Variants in ARMC9 observed in about 807,000 individuals in gnomAD.
ARMC9 encodes armadillo repeat containing 9.
ARMC9 carries 94 observed loss-of-function variants against 107.0 expected under a neutral mutation model. The observed-to-expected ratio is 0.88, with a 90% CI of 0.74 to 1.04. The LOEUF is 1.04. Ranked by LOEUF, ARMC9 falls within the 50% of genes least tolerant of loss-of-function variation. ARMC9 has a pLI of 0.00. For synonymous variants in ARMC9, 380 were observed against 396.9 expected, an observed-to-expected ratio of 0.96 and a Z score of 0.51; for missense variants, 942 against 1,030.1, an observed-to-expected ratio of 0.91 and a Z score of 1.17.
chr2:231,357,160 C>T (rs868172275), intron 22 of ARMC9, among the ~76,000 whole-genome samples: 1 of 152,262 alleles, frequency 6.6e-6, no homozygotes. Context: ...TTACTTTAGC[C>T]CTGACAAAGT....
intron 9 of ARMC9, among the ~76,000 whole-genome samples, chr2:231,249,243 C>T (rs1174700925): frequency 6.6e-6 from 1 of 152,148 alleles, no homozygotes; most frequent in African/African-American, 2.4e-5. Context: ...GATTTCCCTG[C>T]CCCACAGCCA....
intron 16 of ARMC9, 80 bp from the exon 17 acceptor site, chr2:231,281,979 T>C: frequency 7.3e-7 from 1 of 1,367,190 alleles, no homozygotes; most frequent in Non-Finnish European, 1.0e-6. Flanking sequence ...TGCCAGATTG[T>C]TCTGAGGTGT....
rs886938989 is a variant in ARMC9 at position 231,375,994 on chromosome 2, C to T, written c.*4459C>T. 1.9e-4 allele frequency among the ~76,000 whole-genome samples: 29 copies of T among 152,196 alleles called. No homozygotes were observed. The highest frequency in any genetic ancestry group is 7.0e-4 in the African/African-American group (29 of 41,432). On this transcript the variant is annotated 3_prime_UTR_variant, in exon 25 of 25. Coordinates refer to ENST00000611582, the MANE Select transcript of ARMC9 (RefSeq NM_001352754.2). The surrounding 1 kb of genome is among the most constrained non-coding windows in gnomAD (Gnocchi z 4.3). ...TTAATACTTTTGTAATTTCTTATGC[C>T]TGTCTTTACTACAGTCTCTAAACAT...
chr2:231,240,188 A>C, intron 9 of ARMC9, 147 bp downstream of exon 9: 1 of 735,178 alleles, frequency 1.4e-6, no homozygotes, highest in South Asian at 1.9e-5. Flanking sequence ...TAGAAGGAAA[A>C]TAAATCTGTT....
At chr2:231,310,477 TC>T (rs1294556007) in intron 19 of ARMC9, among the ~76,000 whole-genome samples, 1 of 143,740 alleles carries the variant, frequency 7.0e-6, no homozygotes, top group Non-Finnish European at 1.5e-5. Flanking sequence ...ACGCCTGTAA[TC>T]CCAGCACTTT....
intron 23 of ARMC9, among the ~76,000 whole-genome samples, chr2:231,365,474 C>T (rs1284532871): frequency 6.6e-6 from 1 of 152,194 alleles, no homozygotes; most frequent in Non-Finnish European, 1.5e-5. Context: ...GATCCTGTGT[C>T]CCTTCTGTTT....
At position 231,329,855 on chromosome 2, in the gene ARMC9, C is replaced by T. The variant is rs939198161; in HGVS notation, c.1774-1938C>T. Among the ~76,000 whole-genome samples the T allele has an allele frequency of 2.0e-5, 3 of 152,050 alleles. No individual in the cohort carries two copies. The East Asian group carries it at 5.8e-4, about 29-fold the overall frequency. ...TGTGTATGTGGTTTCTTTGTAGATT[C>T]CTTATTTCTACATAGACAGTCATAT... On this transcript the variant is annotated intron_variant, in intron 19 of 24. Transcript: ENST00000611582.
In ARMC9 at chr2:231,337,886, C is replaced by T. The variant is rs908399397; in HGVS notation, c.1878+5989C>T. Among the ~76,000 whole-genome samples the T allele has an allele frequency of 5.9e-5, 9 of 152,302 alleles. No homozygotes were observed. The South Asian group carries it at 1.5e-3, about 25-fold the overall frequency. ...ATTCTAAAAAGTCAAAGTAACAGAA[C>T]GTAAAGACCAACCCTAAGTCTACCC... On this transcript the variant is annotated intron_variant, in intron 20 of 24. Coordinates refer to ENST00000611582, the MANE Select transcript of ARMC9 (RefSeq NM_001352754.2).
rs2040978459 is a variant in ARMC9 at position 231,291,389 on chromosome 2, G to A, written c.1663G>A (p.Gly555Ser). Residue 555 changes from glycine to serine, a missense_variant, in exon 18 of 25, where the codon GGC becomes AGC. Coordinates refer to ENST00000611582, the MANE Select transcript of ARMC9 (RefSeq NM_001352754.2). ...CATCCTACGCTGCTTCATCAAAGAA[G>A]GCAATGCTGAAATGATCCGCCAGAT... ...EDILRCFIKE[G>S]NAEMIRQIEF... 6.2e-7 allele frequency: 1 copy of A among 1,613,728 alleles called. No individual in the cohort carries two copies. Among genetic ancestry groups the A allele is most frequent in the Non-Finnish European group, 8.5e-7 (1 of 1,179,814 alleles).
chr2:231,316,160 ATGTGTGTGTG>A (rs141395956), intron 19 of ARMC9, among the ~76,000 whole-genome samples: 7 of 147,506 alleles, frequency 4.7e-5, no homozygotes, highest in East Asian at 2.0e-4. Flanking sequence ...GTGTGTATGT[ATGTGTGTGTG>A]TGTGTGTGTG....
At chr2:231,344,851 T>A in intron 20 of ARMC9, 124 bp from the exon 21 acceptor site, 1 of 1,000,528 alleles carries the variant, frequency 1.0e-6, no homozygotes, top group South Asian at 1.5e-5. Flanking sequence ...ACATGATCCT[T>A]CCTCATTTAT....
Position 231,250,711 on chromosome 2 carries a change from C to G in ARMC9, c.880-5875C>G, listed in dbSNP as rs1019911813. On this transcript the variant is annotated intron_variant, in intron 9 of 24. Transcript: ENST00000611582. ...AGAGGAGCTGGTGACTAAAGCCTTG[C>G]GGGGGCCTGGGTTGAGGCTGAGCAG... 2.0e-5 allele frequency among the ~76,000 whole-genome samples: 3 copies of G among 152,090 alleles called. No homozygotes were observed. The East Asian group carries it at 5.8e-4, about 29-fold the overall frequency.
rs78305083 is a variant in ARMC9 at position 231,336,467 on chromosome 2, C to T, written c.1878+4570C>T. ...CCTGCCTTTTACCACTCAGCCGGGCCGCCTTGCAGCAGCGCTGGCCGTTGT... is the reference window on the plus strand; with the variant it reads ...CCTGCCTTTTACCACTCAGCCGGGCTGCCTTGCAGCAGCGCTGGCCGTTGT... On this transcript the variant is annotated intron_variant, in intron 20 of 24. Transcript: ENST00000611582. Among the ~76,000 whole-genome samples the T allele has an allele frequency of 1.6e-3, 242 of 152,298 alleles. 1 individual carries two copies. Among genetic ancestry groups the T allele is most frequent in the East Asian group, 0.015 (79 of 5,188 alleles).
rs1224766301 is a variant in ARMC9 at position 231,255,721 on chromosome 2, G to A, written c.880-865G>A. Among the ~76,000 whole-genome samples, 1 of 152,140 alleles carries A rather than the reference G, an allele frequency of 6.6e-6. No individual in the cohort carries two copies. The highest frequency in any genetic ancestry group is 1.5e-5 in the Non-Finnish European group (1 of 68,028). ...TTTTACATCGTATGTGACTTTGGTT[G>A]GTGAATCCTGGTGGATTAAAACTTT... On this transcript the variant is annotated intron_variant, in intron 9 of 24. Coordinates refer to ENST00000611582, the MANE Select transcript of ARMC9 (RefSeq NM_001352754.2). The surrounding 1 kb of genome is among the most constrained non-coding windows in gnomAD (Gnocchi z 4.7).
At chr2:231,214,793 T>A (rs1374427768) in intron 3 of ARMC9, 38 bp from the exon 4 acceptor site, 1 of 1,598,018 alleles carries the variant, frequency 6.3e-7, no homozygotes, top group East Asian at 2.2e-5. Flanking sequence ...GGTGTTGAAA[T>A]TTACAACGAG....
At chr2:231,351,108 C>T (rs1258670063) in intron 21 of ARMC9, among the ~76,000 whole-genome samples, 4 of 144,738 alleles carry the variant, frequency 2.8e-5, no homozygotes, top group African/African-American at 7.9e-5. Flanking sequence ...CAGGCGCCTA[C>T]CACCACGCCC....
In ARMC9 at chr2:231,355,862, C is replaced by T; in HGVS notation, c.2059C>T (p.Leu687=). 6.5e-7 allele frequency: 1 copy of T among 1,536,160 alleles called. No homozygotes were observed. Among genetic ancestry groups the T allele is most frequent in the South Asian group, 1.2e-5 (1 of 84,056 alleles). Residue 687 remains leucine (L), a synonymous_variant, in exon 22 of 25, where the codon CTG becomes TTG. Transcript: ENST00000611582. ...CGCCAGAAACGGCCACCCGCAGGCCCTGCCAGCCGCTCACGAGGCTGTCTA... is the reference window on the plus strand; with the variant it reads ...CGCCAGAAACGGCCACCCGCAGGCCTTGCCAGCCGCTCACGAGGCTGTCTA... ...QHARNGHPQA[L]PAAHEAVYRE...
At chr2:231,331,748 T>C (rs766905415) in intron 19 of ARMC9, 45 bp from the exon 20 acceptor site, 1 of 1,555,206 alleles carries the variant, frequency 6.4e-7, no homozygotes, top group Admixed American at 1.7e-5. Context: ...CTTGGGAGCT[T>C]GTGTCAGGGT....
rs182993866 is a variant in ARMC9 at position 231,295,526 on chromosome 2, G to A, written c.1718-672G>A. ...TTGTGGTGTATTGTGAGGTCCTACC[G>A]ACAACCCTGAGAAGTGGCTGGTACA... On this transcript the variant is annotated intron_variant, in intron 18 of 24. Transcript: ENST00000611582. 8 of 152,442 alleles carry A rather than the reference G, an allele frequency of 5.2e-5. No individual in the cohort carries two copies. The East Asian group carries it at 5.8e-4, about 11-fold the overall frequency. 9.4% of individuals were successfully genotyped at this position (152,442 alleles called of 1,614,324 possible).
Sources: allele counts gnomAD v4.1 joint callset (sites outside exome capture counted in the v4.1 genomes callset), GRCh38; gene constraint gnomAD v4.1.1; non-coding constraint Gnocchi (gnomAD v3.1); transcripts MANE v1.5; gene names NCBI Gene and HGNC (gene_info 2026-07-23, HGNC 2026-07-21).